CDC42BPA: variants seen among roughly 807,000 people sequenced by gnomAD.
The protein encoded by CDC42BPA is CDC42 binding protein kinase alpha, also known as serine/threonine-protein kinase MRCK alpha.
A neutral mutation model predicts 223.5 loss-of-function variants in CDC42BPA; 80 were observed. That is an observed-to-expected ratio of 0.36 (90% CI 0.30 to 0.43). The LOEUF (loss-of-function observed/expected upper bound fraction) is 0.43, where lower values mean the gene tolerates loss of function less well. Ranked by LOEUF, CDC42BPA falls within the 20% of genes least tolerant of loss-of-function variation. The pLI is 1.00. For missense variants in CDC42BPA, 1,743 were observed against 2,099.9 expected (o/e 0.83, Z 3.32); for synonymous variants, 694 against 718.6 (o/e 0.97, Z 0.55).
intron 34 of CDC42BPA, among the ~76,000 whole-genome samples, chr1:227,007,311 G>A (rs1034444607): frequency 2.6e-5 from 4 of 152,144 alleles, no homozygotes; most frequent in Non-Finnish European, 5.9e-5. Flanking sequence ...TAGCCACTAA[G>A]ACATAACAAG....
intron 1 of CDC42BPA, among the ~76,000 whole-genome samples, chr1:227,308,737 A>G (rs6660043): frequency 0.17 from 25,879 of 152,108 alleles, 2,251 homozygotes; most frequent in Middle Eastern, 0.2. Context: ...TTTCCAGTAT[A>G]TTGGTTTAGA....
chr1:227,031,414 T>C lies in CDC42BPA; in HGVS notation c.3659A>G (p.Glu1220Gly). 1 of 1,614,060 alleles carries C rather than the reference T, an allele frequency of 6.2e-7. No individual in the cohort carries two copies. The highest frequency in any genetic ancestry group is 1.1e-5 in the South Asian group (1 of 91,072). The change falls in exon 28 of 37, where the codon GAA becomes GGA. Residue 1220 changes from glutamate (E) to glycine (G), a missense_variant. Coordinates refer to ENST00000366766, the MANE Select transcript of CDC42BPA (RefSeq NM_001394014.1). ...GTTTTTCTTCAAAATCTTGTGCAATTCACTCAGCACTCCCACCCACTTATT... is the reference window on the plus strand; with the variant it reads ...GTTTTTCTTCAAAATCTTGTGCAATCCACTCAGCACTCCCACCCACTTATT... ...EKNKWVGVLS[E>G]LHKILKKNKF...
intron 2 of CDC42BPA, among the ~76,000 whole-genome samples, chr1:227,250,650 G>A (rs760362542): frequency 6.6e-6 from 1 of 151,912 alleles, no homozygotes; most frequent in Non-Finnish European, 1.5e-5. Context: ...ATGTGTGTGT[G>A]TGTATACCAT....
At chr1:227,304,005 C>A (rs533484116) in intron 1 of CDC42BPA, among the ~76,000 whole-genome samples, 7 of 152,218 alleles carry the variant, frequency 4.6e-5, no homozygotes, top group East Asian at 1.9e-4. Context: ...TTACCTCATT[C>A]TTTTAAATAG....
chr1:227,210,667 A>G (rs1210703035), intron 3 of CDC42BPA, among the ~76,000 whole-genome samples: 1 of 152,230 alleles, frequency 6.6e-6, no homozygotes, highest in African/African-American at 2.4e-5. Flanking sequence ...TGAAAAAAGT[A>G]TAAACTTTAA....
intron 12 of CDC42BPA, among the ~76,000 whole-genome samples, chr1:227,118,685 G>GA (rs1688152238): frequency 6.6e-6 from 1 of 152,056 alleles, no homozygotes; most frequent in Admixed American, 6.5e-5. Context: ...CAGAAGAGTA[G>GA]AAAGCAGGAA....
intron 5 of CDC42BPA, among the ~76,000 whole-genome samples, chr1:227,162,463 T>A (rs1664088538): frequency 6.6e-6 from 1 of 152,222 alleles, no homozygotes; most frequent in South Asian, 2.1e-4. Context: ...ATGTACTTTT[T>A]AAAATGTCTT....
At chr1:227,287,360 A>C (rs965172732) in intron 1 of CDC42BPA, among the ~76,000 whole-genome samples, 4 of 152,208 alleles carry the variant, frequency 2.6e-5, no homozygotes, top group Admixed American at 2.6e-4. Flanking sequence ...CCTAACTGGT[A>C]AGAATGGCTC....
intron 15 of CDC42BPA, among the ~76,000 whole-genome samples, chr1:227,097,645 G>T (rs888156335): frequency 6.6e-6 from 1 of 152,184 alleles, no homozygotes; most frequent in African/African-American, 2.4e-5. Flanking sequence ...TAAGACTCAG[G>T]AGTTAGGCAA....
intron 5 of CDC42BPA, among the ~76,000 whole-genome samples, chr1:227,182,486 T>C (rs1381727882): frequency 6.6e-5 from 10 of 152,168 alleles, no homozygotes; most frequent in Non-Finnish European, 1.5e-5. Context: ...TATTTTGAAA[T>C]AATAGGCTCA....
At chr1:227,156,495 T>C (rs925409239) in intron 6 of CDC42BPA, among the ~76,000 whole-genome samples, 1 of 148,410 alleles carries the variant, frequency 6.7e-6, no homozygotes, top group South Asian at 2.2e-4. Context: ...TCAAAGCCTA[T>C]GGTTTTGAAA....
At chr1:227,128,669 C>T (rs1049022275) in intron 11 of CDC42BPA, among the ~76,000 whole-genome samples, 3 of 152,214 alleles carry the variant, frequency 2.0e-5, no homozygotes, top group Admixed American at 2.0e-4. Context: ...ATTGCATTAA[C>T]AAAGAAAATA....
At chr1:227,055,176 T>TA (rs946203549) in intron 21 of CDC42BPA, among the ~76,000 whole-genome samples, 57 of 150,980 alleles carry the variant, frequency 3.8e-4, no homozygotes, top group Non-Finnish European at 6.7e-4. Context: ...ATTTCAAATA[T>TA]AAAAAAAAAT....
intron 35 of CDC42BPA, among the ~76,000 whole-genome samples, chr1:226,999,630 C>G (rs1662362846): frequency 6.6e-6 from 1 of 152,098 alleles, no homozygotes; most frequent in South Asian, 2.1e-4. Context: ...AATCATTCTA[C>G]TATAAAGACA....
chr1:227,119,834 C>T lies in CDC42BPA; in HGVS notation c.1617G>A (p.Thr539=), dbSNP rs371811786. The T allele has an allele frequency of 8.9e-5, 142 of 1,591,914 alleles. 1 individual carries two copies. Among genetic ancestry groups the T allele is most frequent in the South Asian group, 5.3e-4 (47 of 88,254 alleles). The change falls in exon 12 of 37, where the codon ACG becomes ACA. Residue 539 remains threonine, a synonymous_variant. Coordinates refer to ENST00000366766, the MANE Select transcript of CDC42BPA (RefSeq NM_001394014.1). ...QIKAYEKQIK[T]LQQEREDLNK... ...TTAGATCTTCTCTTTCTTGTTGTAACGTTTTGATTTGTTTTTCATAAGCCT... is the reference window on the plus strand; with the variant it reads ...TTAGATCTTCTCTTTCTTGTTGTAATGTTTTGATTTGTTTTTCATAAGCCT...
chr1:226,995,869 G>A (rs1307481683), intron 35 of CDC42BPA, among the ~76,000 whole-genome samples: 1 of 152,178 alleles, frequency 6.6e-6, no homozygotes, highest in East Asian at 1.9e-4. Flanking sequence ...ACTGTGTTGA[G>A]GTTTTAGCAC....
chr1:227,275,745 G>A (rs1052427226), intron 1 of CDC42BPA, among the ~76,000 whole-genome samples: 72 of 152,132 alleles, frequency 4.7e-4, no homozygotes, highest in African/African-American at 1.6e-3. Context: ...TGGGATTGCA[G>A]GCACGCGCCG....
chr1:227,013,319 A>G (rs1345100215), intron 34 of CDC42BPA, among the ~76,000 whole-genome samples: 2 of 152,126 alleles, frequency 1.3e-5, no homozygotes, highest in Non-Finnish European at 2.9e-5. Flanking sequence ...GGAAAATGCT[A>G]TCTTCACTTG....
At chr1:227,271,295 G>A (rs564035671) in intron 1 of CDC42BPA, among the ~76,000 whole-genome samples, 70 of 152,148 alleles carry the variant, frequency 4.6e-4, no homozygotes, top group Non-Finnish European at 6.6e-4. Context: ...ACGTGGCCAG[G>A]AGGCAGATAT....
Sources: allele counts gnomAD v4.1 joint callset (sites outside exome capture counted in the v4.1 genomes callset), GRCh38; gene constraint gnomAD v4.1.1; transcripts MANE v1.5; gene names NCBI Gene and HGNC (gene_info 2026-07-23, HGNC 2026-07-21).